The following NEK1 variants were observed in gnomAD, a reference collection of about 807,000 sequenced individuals.
The protein encoded by NEK1 is serine/threonine-protein kinase Nek1.
A neutral mutation model predicts 182.1 loss-of-function variants in NEK1; 137 were observed. The ratio of observed to expected loss-of-function variants is 0.75; its 90% CI spans 0.65 to 0.87. NEK1 has a LOEUF of 0.87. Ranked by LOEUF, NEK1 falls within the 40% of genes least tolerant of loss-of-function variation. The pLI is 0.00. For missense variants in NEK1, 1,391 were observed against 1,494.4 expected (o/e 0.93, Z 1.14); for synonymous variants, 513 against 492.2 (o/e 1.04, Z -0.56).
chr4:169,542,758 C>CT lies in NEK1; in HGVS notation c.1563-4848dup, dbSNP rs58369712. 3.9e-4 allele frequency among the ~76,000 whole-genome samples: 58 copies of CT among 147,526 alleles called. 1 individual carries two copies. In the South Asian group the frequency reaches 7.5e-3, roughly 19 times the overall value. On this transcript the variant is annotated intron_variant, in intron 18 of 35. Coordinates refer to ENST00000507142, the MANE Select transcript of NEK1 (RefSeq NM_001199397.3). ...TTCTTTAGTGACCAGTGATGAAGAG[C>CT]TTTTTTTTTTTCATGTTTGTTGACT...
At chr4:169,411,738 A>G (rs757906598) in intron 31 of NEK1, among the ~76,000 whole-genome samples, 2 of 152,256 alleles carry the variant, frequency 1.3e-5, no homozygotes, top group Non-Finnish European at 2.9e-5. Flanking sequence ...TCAAATCTTG[A>G]AAATGTTACT....
At chr4:169,547,647 T>C (rs1760736902) in intron 18 of NEK1, among the ~76,000 whole-genome samples, 1 of 152,214 alleles carries the variant, frequency 6.6e-6, no homozygotes, top group African/African-American at 2.4e-5. Context: ...CATACTCCCA[T>C]ATTTCTTGGA....
rs1317722628 is a variant in NEK1, at chr4:169,612,112, G to A, written c.-141C>T. ...TCTTCCTACGGGGCTTAATAAAGCA[G>A]AGGTACCATCCCGCATTTTGAAAAT... On this transcript the variant is annotated 5_prime_UTR_variant, in exon 2 of 36. Transcript: ENST00000507142. The A allele has an allele frequency of 1.3e-5, 2 of 152,358 alleles. No individual in the cohort carries two copies. The highest frequency in any genetic ancestry group is 2.9e-5 in the Non-Finnish European group (2 of 68,156). 9.4% of individuals were successfully genotyped at this position (152,358 alleles called of 1,614,324 possible). A position where few individuals can be genotyped will look rare whatever the true frequency, so the allele number is the denominator to read the frequency against.
intron 18 of NEK1, among the ~76,000 whole-genome samples, chr4:169,552,735 C>A (rs1019371559): frequency 6.6e-6 from 1 of 152,008 alleles, no homozygotes; most frequent in African/African-American, 2.4e-5. Flanking sequence ...GTGATGATAG[C>A]AAAGTTGCAG....
intron 27 of NEK1, among the ~76,000 whole-genome samples, chr4:169,439,630 G>C (rs763626887): frequency 2.0e-5 from 3 of 152,100 alleles, no homozygotes; most frequent in African/African-American, 7.2e-5. Context: ...GATTGCTTTA[G>C]TGGGTTCTAA....
At chr4:169,570,286 C>T (rs1580846199) in intron 12 of NEK1, among the ~76,000 whole-genome samples, 1 of 151,890 alleles carries the variant, frequency 6.6e-6, no homozygotes, top group African/African-American at 2.4e-5. Flanking sequence ...TGAGGAGCCC[C>T]TCCGCCCAGC....
intron 10 of NEK1, among the ~76,000 whole-genome samples, chr4:169,583,585 T>C (rs890754238): frequency 3.9e-5 from 6 of 152,224 alleles, no homozygotes; most frequent in Admixed American, 6.5e-5. Flanking sequence ...TTCTCTTTCA[T>C]TGCTAGCTAG....
At chr4:169,569,804 C>A (rs1764374219) in intron 12 of NEK1, among the ~76,000 whole-genome samples, 1 of 152,190 alleles carries the variant, frequency 6.6e-6, no homozygotes. Flanking sequence ...CTCAATGGTG[C>A]CCAGGCTGGA....
chr4:169,605,288 T>C (rs1356446119), intron 2 of NEK1, among the ~76,000 whole-genome samples: 3 of 152,148 alleles, frequency 2.0e-5, no homozygotes, highest in African/African-American at 7.2e-5. Context: ...TACTGAACAT[T>C]GTGGTTCTAA....
chr4:169,463,832 T>C (rs966919980), intron 26 of NEK1, among the ~76,000 whole-genome samples: 1 of 152,114 alleles, frequency 6.6e-6, no homozygotes, highest in African/African-American at 2.4e-5. Context: ...AGAGTCTCAC[T>C]ATGTTGCCCA....
chr4:169,571,681 GA>G (rs1357419279), intron 12 of NEK1, among the ~76,000 whole-genome samples: 1 of 152,102 alleles, frequency 6.6e-6, no homozygotes. Flanking sequence ...ATGAGACTTG[GA>G]AAGGTAATGA....
In NEK1 at chr4:169,451,932, T is replaced by C. The variant is rs576824721; in HGVS notation, c.2587+11311A>G. Among the ~76,000 whole-genome samples the C allele has an allele frequency of 2.6e-5, 4 of 152,166 alleles. No homozygotes were observed. The East Asian group carries it at 7.7e-4, about 29-fold the overall frequency. On this transcript the variant is annotated intron_variant, in intron 27 of 35. Coordinates refer to ENST00000507142, the MANE Select transcript of NEK1 (RefSeq NM_001199397.3). ...AGACAGAAGAATCAAATAGATGCCATAAAAAATGATAAAGGGGATATCACC... is the reference window on the plus strand; with the variant it reads ...AGACAGAAGAATCAAATAGATGCCACAAAAAATGATAAAGGGGATATCACC...
intron 12 of NEK1, among the ~76,000 whole-genome samples, chr4:169,570,386 T>A (rs7439905): frequency 6.7e-6 from 1 of 149,960 alleles, no homozygotes; most frequent in East Asian, 2.0e-4. Context: ...CCAGGCCAGC[T>A]GCCCAGTCCG....
At chr4:169,596,498 T>C (rs1404323276) in intron 5 of NEK1, among the ~76,000 whole-genome samples, 2 of 152,230 alleles carry the variant, frequency 1.3e-5, no homozygotes, top group Admixed American at 6.5e-5. Flanking sequence ...ATGTAGAGAC[T>C]GTCCAAGGGA....
chr4:169,467,338 T>C (rs930881648), intron 26 of NEK1, among the ~76,000 whole-genome samples: 1 of 152,090 alleles, frequency 6.6e-6, no homozygotes, highest in Admixed American at 6.6e-5. Context: ...GGGTCAACTG[T>C]ATATTATTGT....
chr4:169,506,892 G>A (rs1483662920), intron 23 of NEK1, 145 bp downstream of exon 23: 1 of 431,984 alleles, frequency 2.3e-6, no homozygotes, highest in Admixed American at 4.1e-5. Context: ...GAAAGAGAGA[G>A]GTAATGAGAA....
intron 27 of NEK1, among the ~76,000 whole-genome samples, chr4:169,446,048 A>G (rs1006093819): frequency 3.3e-5 from 5 of 152,032 alleles, no homozygotes; most frequent in African/African-American, 1.2e-4. Context: ...GGAAGTAGAG[A>G]GCAGAATGGT....
intron 19 of NEK1, among the ~76,000 whole-genome samples, chr4:169,529,005 A>G (rs1757292268): frequency 6.6e-6 from 1 of 152,224 alleles, no homozygotes; most frequent in Non-Finnish European, 1.5e-5. Flanking sequence ...ATTAAACAGA[A>G]TACTTTTACG....
chr4:169,418,487 A>T (rs1734910370), intron 31 of NEK1, among the ~76,000 whole-genome samples: 1 of 152,228 alleles, frequency 6.6e-6, no homozygotes, highest in East Asian at 1.9e-4. Context: ...GAACTCGCAC[A>T]TAAGGATATT....
Sources: allele counts gnomAD v4.1 joint callset (sites outside exome capture counted in the v4.1 genomes callset), GRCh38; gene constraint gnomAD v4.1.1; transcripts MANE v1.5; gene names NCBI Gene and HGNC (gene_info 2026-07-23, HGNC 2026-07-21).